Variants in ERC1 observed in about 807,000 individuals in gnomAD.
The protein encoded by ERC1 is ELKS/RAB6-interacting/CAST family member 1, also known as RAB6 interacting protein 2.
Under a neutral mutation model 132.0 loss-of-function variants are expected in ERC1, and 56 were observed. That is an observed-to-expected ratio of 0.42 (90% CI 0.34 to 0.53). The LOEUF (loss-of-function observed/expected upper bound fraction) is 0.53, where lower values mean the gene tolerates loss of function less well. ERC1 is among the 20% of genes least tolerant of loss of function. The pLI is 0.03. For missense variants in ERC1, 1,202 were observed against 1,349.9 expected (o/e 0.89, Z 1.72); for synonymous variants, 478 against 476.1 (o/e 1.00, Z -0.05).
intron 12 of ERC1, among the ~76,000 whole-genome samples, chr12:1,218,979 T>C (rs1958701829): frequency 6.6e-6 from 1 of 151,918 alleles, no homozygotes. Flanking sequence ...TTCAAGCAAT[T>C]CTCCTGCCTC....
chr12:1,409,700 T>A (rs2091727746), intron 17 of ERC1, among the ~76,000 whole-genome samples: 1 of 152,034 alleles, frequency 6.6e-6, no homozygotes, highest in South Asian at 2.1e-4. Context: ...TCCTCCCATA[T>A]ACTGTGTTTT....
At chr12:1,411,592 A>G (rs1162772221) in intron 17 of ERC1, among the ~76,000 whole-genome samples, 2 of 152,204 alleles carry the variant, frequency 1.3e-5, no homozygotes, top group Non-Finnish European at 2.9e-5. Context: ...TGCATGTCAG[A>G]GAAAGCTAAA....
chr12:1,139,186 C>A (rs1949637633), intron 7 of ERC1, among the ~76,000 whole-genome samples: 1 of 151,894 alleles, frequency 6.6e-6, no homozygotes, highest in African/African-American at 2.4e-5. Context: ...TTAAGTTAAG[C>A]TTTTTTTTAG....
chr12:1,124,050 G>T (rs2154226033), intron 7 of ERC1, among the ~76,000 whole-genome samples: 1 of 152,244 alleles, frequency 6.6e-6, no homozygotes, highest in South Asian at 2.1e-4. Context: ...AATTGTAGTT[G>T]GTCATTTGGA....
chr12:1,387,834 AAACT>A (rs1417928922), intron 16 of ERC1, among the ~76,000 whole-genome samples: 5 of 152,216 alleles, frequency 3.3e-5, no homozygotes, highest in Non-Finnish European at 7.3e-5. Flanking sequence ...CAGCTCCAGG[AAACT>A]AACACATGGA....
intron 15 of ERC1, among the ~76,000 whole-genome samples, chr12:1,307,541 C>T (rs1456029838): frequency 2.0e-5 from 3 of 152,168 alleles, no homozygotes; most frequent in African/African-American, 4.8e-5. Flanking sequence ...ATCCTTTCTG[C>T]GTCCTGCTAA....
In ERC1 at chr12:1,183,413, T is replaced by C. The variant is rs761961074; in HGVS notation, c.2149T>C (p.Leu717=). 2 of 1,563,232 alleles carry C rather than the reference T, an allele frequency of 1.3e-6. No individual in the cohort carries two copies. The highest frequency in any genetic ancestry group is 2.3e-5 in the East Asian group (1 of 44,146). The change falls in exon 11 of 19, where the codon TTG becomes CTG. Residue 717 remains leucine, a synonymous_variant. Transcript: ENST00000360905. ...GGAGTGTCTGAAAATGGAATCACAATTGAAAAAGGTTAAAGAAAAAATTTC... is the reference window on the plus strand; with the variant it reads ...GGAGTGTCTGAAAATGGAATCACAACTGAAAAAGGTTAAAGAAAAAATTTC... The part of the protein sequence containing the change: ...KEECLKMESQ[L]KKAHEAALEA...
chr12:1,067,957 A>G (rs1300474562), intron 2 of ERC1, among the ~76,000 whole-genome samples: 1 of 139,452 alleles, frequency 7.2e-6, no homozygotes, highest in East Asian at 2.0e-4. Context: ...CTTCTGAGAC[A>G]GAGTCGCTCT....
chr12:1,361,755 G>A (rs1040634172), intron 15 of ERC1, among the ~76,000 whole-genome samples: 1 of 152,234 alleles, frequency 6.6e-6, no homozygotes, highest in Middle Eastern at 3.4e-3. Context: ...AAAAAACTGA[G>A]GATGTAATAT....
rs1197014188 is a variant in ERC1 at position 1,090,845 on chromosome 12, A to ATTGTTG, written c.1086+7283_1086+7288dup. ...CTATGCCTGGCCCATTATTATTATTATTGTTGTTGTTGTTGTTGTTGTTAT... is the reference window on the plus strand; with the variant it reads ...CTATGCCTGGCCCATTATTATTATTATTGTTGTTGTTGTTGTTGTTGTTGTTGTTAT... On this transcript the variant is annotated intron_variant, in intron 3 of 18. Coordinates refer to ENST00000360905, the MANE Select transcript of ERC1 (RefSeq NM_178040.4). 6.5e-4 allele frequency among the ~76,000 whole-genome samples: 6 copies of ATTGTTG among 9,168 alleles called. 3 individuals carry two copies. Among genetic ancestry groups the ATTGTTG allele is most frequent in the African/African-American group, 9.1e-4 (6 of 6,624 alleles). 6.0% of individuals were successfully genotyped at this position (9,168 alleles called of 152,430 possible). A position where few individuals can be genotyped will look rare whatever the true frequency, so the allele number is the denominator to read the frequency against.
intron 18 of ERC1, among the ~76,000 whole-genome samples, chr12:1,445,786 A>C (rs2093288943): frequency 6.6e-6 from 1 of 152,254 alleles, no homozygotes; most frequent in Admixed American, 6.5e-5. Context: ...TAACATTGCC[A>C]TCGGTTATTC....
intron 12 of ERC1, among the ~76,000 whole-genome samples, chr12:1,209,177 C>A (rs1347733928): frequency 6.6e-6 from 1 of 151,994 alleles, no homozygotes; most frequent in Non-Finnish European, 1.5e-5. Context: ...CCACGTTGCT[C>A]AGGCTGGTCT....
chr12:1,246,394 T>C (rs1333454975), intron 13 of ERC1, among the ~76,000 whole-genome samples: 3 of 152,174 alleles, frequency 2.0e-5, no homozygotes, highest in Non-Finnish European at 4.4e-5. Context: ...TTTATGCTGA[T>C]ATAAATAAGT....
chr12:1,188,108 G>A (rs558781566), intron 11 of ERC1, among the ~76,000 whole-genome samples: 3 of 152,230 alleles, frequency 2.0e-5, no homozygotes, highest in East Asian at 1.9e-4. Flanking sequence ...TCTCAGTGAC[G>A]TTAAATGCCA....
chr12:1,003,119 C>CA (rs34159893), intron 1 of ERC1, among the ~76,000 whole-genome samples: 6,462 of 84,692 alleles, frequency 0.076, 224 homozygotes, highest in Non-Finnish European at 0.1. Context: ...AAAAAAGACT[C>CA]AAAAAAAAAA....
chr12:1,325,071 T>C (rs2082356950), intron 15 of ERC1, among the ~76,000 whole-genome samples: 1 of 152,216 alleles, frequency 6.6e-6, no homozygotes, highest in Non-Finnish European at 1.5e-5. Context: ...AAAAAATGAA[T>C]TATTGTTGAT....
At position 1,491,299 on chromosome 12, in the gene ERC1, CTCG is replaced by C; in HGVS notation, c.*1072_*1074del. ...CTCACCCTGCTAGCTTTGCCCTTGA[CTCG>C]TCTTCTCTGAACCTCAGCCTCGTGC... is the stretch of plus-strand genomic sequence containing the variant. On this transcript the variant is annotated 3_prime_UTR_variant, in exon 19 of 19. Transcript: ENST00000360905. The C allele has an allele frequency of 4.3e-6, 1 of 231,316 alleles. No homozygotes were observed. Among genetic ancestry groups the C allele is most frequent in the Non-Finnish European group, 8.6e-6 (1 of 116,798 alleles). The allele number at this position is 231,316 out of a possible 1,614,324, so 14.3% of individuals were successfully genotyped here.
chr12:1,020,578 AT>A (rs1194215296), intron 1 of ERC1: 8 of 152,252 alleles, frequency 5.3e-5, no homozygotes, highest in Non-Finnish European at 8.8e-5. Context: ...GTTTACACTC[AT>A]TTCAATTCTT....
In ERC1 at chr12:1,444,759, C is replaced by T; in HGVS notation, c.3213+9C>T. ...AGATGACCCGGGGGCAGGTGAGCCT[C>T]TCACTCAAACTTTGAAAAGAGCCTG... On this transcript the variant is annotated intron_variant, in intron 18 of 18. Coordinates refer to ENST00000360905, the MANE Select transcript of ERC1 (RefSeq NM_178040.4). The T allele has an allele frequency of 1.9e-6, 3 of 1,610,780 alleles. No individual in the cohort carries two copies. The highest frequency in any genetic ancestry group is 2.5e-6 in the Non-Finnish European group (3 of 1,179,164).
Sources: gnomAD v4.1 joint callset for allele counts (sites outside exome capture counted in the v4.1 genomes callset) on GRCh38, gnomAD v4.1.1 for gene constraint, MANE v1.5 for transcripts, NCBI Gene and HGNC (gene_info 2026-07-23, HGNC 2026-07-21) for gene names.